SLC35F1: variants seen among roughly 807,000 people sequenced by gnomAD.
SLC35F1 encodes the protein solute carrier family 35 member F1, also known as chromosome 6 open reading frame 169.
Under a neutral mutation model 48.7 loss-of-function variants are expected in SLC35F1, and 14 were observed. The observed-to-expected ratio is 0.29, with a 90% CI of 0.19 to 0.45. The LOEUF is 0.45. Among genes scored for constraint, SLC35F1 ranks in the 20% least tolerant of loss-of-function variants. The probability of loss-of-function intolerance (pLI) is 1.00; values close to 1 mark genes in which losing one functional copy is unlikely to be tolerated. For missense variants in SLC35F1, 404 were observed against 500.0 expected (o/e 0.81, Z 1.83); for synonymous variants, 190 against 202.2 (o/e 0.94, Z 0.51).
intron 7 of SLC35F1, among the ~76,000 whole-genome samples, chr6:118,299,235 A>G (rs1210083742): frequency 6.6e-6 from 1 of 152,208 alleles, no homozygotes; most frequent in Non-Finnish European, 1.5e-5. Context: ...ATACTTTCAT[A>G]TATAAACATT....
chr6:118,292,710 C>T (rs1341834869), intron 7 of SLC35F1, among the ~76,000 whole-genome samples: 1 of 150,380 alleles, frequency 6.6e-6, no homozygotes, highest in Admixed American at 6.6e-5. Flanking sequence ...TCACTTTCCA[C>T]TCTTGGAAAA....
intron 2 of SLC35F1, among the ~76,000 whole-genome samples, chr6:118,170,532 T>C (rs1774387352): frequency 6.6e-6 from 1 of 152,156 alleles, no homozygotes. Flanking sequence ...CTTTGCCTCC[T>C]GGGCTCAAGC....
chr6:118,212,492 C>A (rs1775012070), intron 2 of SLC35F1, among the ~76,000 whole-genome samples: 1 of 152,002 alleles, frequency 6.6e-6, no homozygotes, highest in South Asian at 2.1e-4. Flanking sequence ...GACTTGAAGA[C>A]CACCCTGGCC....
chr6:118,098,075 T>C (rs1231580709), intron 1 of SLC35F1, among the ~76,000 whole-genome samples: 2 of 152,240 alleles, frequency 1.3e-5, no homozygotes, highest in African/African-American at 4.8e-5. Flanking sequence ...ATATTTATTA[T>C]CTATTACTTG....
chr6:117,927,963 CT>C lies in SLC35F1; in HGVS notation c.173+20067del, dbSNP rs374334414. 3.1e-3 allele frequency among the ~76,000 whole-genome samples: 472 copies of C among 152,250 alleles called. 2 individuals are homozygous for C. Among genetic ancestry groups the C allele is most frequent in the African/African-American group, 0.011 (454 of 41,560 alleles). ...AGAGTTTGAAAGAAAAGAACAGATT[CT>C]TTCCTTGAACTGTGTAAGCAGCTAA... On this transcript the variant is annotated intron_variant, in intron 1 of 7. Transcript: ENST00000360388.
At chr6:117,993,179 C>G (rs1426943650) in intron 1 of SLC35F1, among the ~76,000 whole-genome samples, 1 of 152,112 alleles carries the variant, frequency 6.6e-6, no homozygotes, top group Non-Finnish European at 1.5e-5. Flanking sequence ...GGTGCCTGGC[C>G]AGAGCTGGGG....
chr6:118,253,859 G>A (rs1339456282), intron 3 of SLC35F1, among the ~76,000 whole-genome samples: 1 of 152,044 alleles, frequency 6.6e-6, no homozygotes, highest in Non-Finnish European at 1.5e-5. Flanking sequence ...GCCAGAGGCA[G>A]TAACTGTAGA....
At chr6:117,928,715 G>A (rs182067906) in intron 1 of SLC35F1, among the ~76,000 whole-genome samples, 11 of 152,186 alleles carry the variant, frequency 7.2e-5, no homozygotes. Flanking sequence ...AGACAGTGTG[G>A]ACATTTTTTG....
intron 1 of SLC35F1, among the ~76,000 whole-genome samples, chr6:117,990,424 C>G (rs1280434323): frequency 1.3e-5 from 2 of 152,174 alleles, no homozygotes; most frequent in African/African-American, 4.8e-5. Context: ...TCTGGTTTAT[C>G]TGGTGGTAGA....
At chr6:118,088,585 C>T (rs1773025877) in intron 1 of SLC35F1, among the ~76,000 whole-genome samples, 1 of 152,104 alleles carries the variant, frequency 6.6e-6, no homozygotes, top group Non-Finnish European at 1.5e-5. Context: ...ATTTAATAAG[C>T]ACCACTTGTA....
At chr6:118,269,102 AT>A (rs1276348201) in intron 4 of SLC35F1, among the ~76,000 whole-genome samples, 1 of 152,202 alleles carries the variant, frequency 6.6e-6, no homozygotes, top group African/African-American at 2.4e-5. Flanking sequence ...GCTAATTTGA[AT>A]TGATTTCACT....
chr6:118,103,782 T>C (rs1773292134), intron 1 of SLC35F1, among the ~76,000 whole-genome samples: 1 of 152,224 alleles, frequency 6.6e-6, no homozygotes, highest in South Asian at 2.1e-4. Context: ...GTTGCAGCTT[T>C]TCTAAACCCA....
At chr6:118,090,421 A>G (rs1268316257) in intron 1 of SLC35F1, among the ~76,000 whole-genome samples, 1 of 152,228 alleles carries the variant, frequency 6.6e-6, no homozygotes, top group Non-Finnish European at 1.5e-5. Flanking sequence ...TCTCAAAGCA[A>G]TAAAGCTGAA....
chr6:117,932,540 AC>A (rs373193372), intron 1 of SLC35F1, among the ~76,000 whole-genome samples: 8 of 152,306 alleles, frequency 5.3e-5, no homozygotes, highest in African/African-American at 1.9e-4. Context: ...AACTTTCTGT[AC>A]CCAAATCCAA....
intron 1 of SLC35F1, among the ~76,000 whole-genome samples, chr6:118,029,348 A>T (rs1772006296): frequency 6.6e-6 from 1 of 152,128 alleles, no homozygotes; most frequent in East Asian, 1.9e-4. Flanking sequence ...ATAGGTGAGT[A>T]CAGTACAATA....
At chr6:118,187,321 G>A (rs17079824) in intron 2 of SLC35F1, among the ~76,000 whole-genome samples, 3,659 of 152,224 alleles carry the variant, frequency 0.024, 158 homozygotes, top group African/African-American at 0.084. Context: ...TGCCGAGACT[G>A]ACAAATGTTC....
At chr6:118,036,597 A>G (rs556883936) in intron 1 of SLC35F1, among the ~76,000 whole-genome samples, 28 of 152,278 alleles carry the variant, frequency 1.8e-4, no homozygotes, top group Non-Finnish European at 2.6e-4. Context: ...TCACTCTGCC[A>G]CCTAGGCTGG....
At chr6:118,073,667 A>G (rs979733628) in intron 1 of SLC35F1, among the ~76,000 whole-genome samples, 1 of 152,220 alleles carries the variant, frequency 6.6e-6, no homozygotes, top group African/African-American at 2.4e-5. Flanking sequence ...GTGAAATTTT[A>G]TGTAACATGA....
At chr6:118,061,586 G>GTA (rs780630752) in intron 1 of SLC35F1, among the ~76,000 whole-genome samples, 25,829 of 144,996 alleles carry the variant, frequency 0.18, 2,498 homozygotes, top group Admixed American at 0.28. Context: ...GTGTGTGTGT[G>GTA]TGTGTATATA....
Sources: gnomAD v4.1 joint callset for allele counts (sites outside exome capture counted in the v4.1 genomes callset) on GRCh38, gnomAD v4.1.1 for gene constraint, MANE v1.5 for transcripts, NCBI Gene and HGNC (gene_info 2026-07-23, HGNC 2026-07-21) for gene names.